Variants in BRDT observed in about 807,000 individuals in gnomAD.
BRDT encodes bromodomain testis associated, also known as bromodomain testis-specific protein.
Under a neutral mutation model 113.9 loss-of-function variants are expected in BRDT, and 77 were observed. The ratio of observed to expected loss-of-function variants is 0.68; its 90% confidence interval spans 0.56 to 0.82. BRDT has a LOEUF of 0.82. Ranked by LOEUF, BRDT falls within the 40% of genes least tolerant of loss-of-function variation. The pLI, the probability that BRDT is intolerant of heterozygous loss-of-function variation, is 0.00. For missense variants in BRDT, 1,027 were observed against 1,105.4 expected (o/e 0.93, Z 1.01); for synonymous variants, 358 against 366.5 (o/e 0.98, Z 0.26).
chr1:91,985,791 A>G (rs1030761088), intron 12 of BRDT, among the ~76,000 whole-genome samples: 3 of 151,818 alleles, frequency 2.0e-5, no homozygotes, highest in South Asian at 2.1e-4. Flanking sequence ...GGCGCCCGCC[A>G]CCACGCCCGG....
chr1:91,964,803 A>G (rs1682881324), intron 3 of BRDT, 39 bp downstream of exon 3: 2 of 1,317,598 alleles, frequency 1.5e-6, no homozygotes, highest in East Asian at 2.4e-5. Flanking sequence ...ATTCTTTGCC[A>G]TTACATATAG....
intron 12 of BRDT, among the ~76,000 whole-genome samples, chr1:91,984,170 C>T (rs953922182): frequency 1.3e-5 from 2 of 152,108 alleles, no homozygotes; most frequent in Admixed American, 6.5e-5. Context: ...AAAATTATAT[C>T]TTTGCTTAAT....
intron 15 of BRDT, among the ~76,000 whole-genome samples, chr1:91,998,726 C>G (rs983339639): frequency 1.1e-4 from 17 of 151,942 alleles, no homozygotes; most frequent in African/African-American, 3.6e-4. Context: ...TTGGCAGATA[C>G]ATATTTTACA....
rs750263048 is a variant in BRDT at position 91,981,373 on chromosome 1, A to C, written c.1856A>C (p.Gln619Pro). The C allele has an allele frequency of 5.0e-6, 8 of 1,612,426 alleles. No homozygotes were observed. The highest frequency in any genetic ancestry group is 5.9e-6 in the Non-Finnish European group (7 of 1,178,778). ...AATCAGTTAAATTCTAGAAAACGTC[A>C]AACAAAATGTAGGTGGCAGTTTTTG... ...VNNQLNSRKR[Q>P]TKSDKTQPSK... Residue 619 changes from glutamine to proline, a missense_variant, in exon 11 of 19, where the codon CAA becomes CCA. Coordinates refer to ENST00000399546, the MANE Select transcript of BRDT (RefSeq NM_207189.4).
At chr1:91,968,522 G>C (rs897241055) in intron 4 of BRDT, among the ~76,000 whole-genome samples, 1 of 152,162 alleles carries the variant, frequency 6.6e-6, no homozygotes, top group Non-Finnish European at 1.5e-5. Context: ...TAGGGATTCA[G>C]AAAATCATAG....
rs748354383 is a variant in BRDT, at chr1:92,002,061, A to C, written c.2300A>C (p.Gln767Pro). ...QILPPSGDSE[Q>P]LSNGITVMHP... ...TGTGTGCATCCAGGTGATTCTGAACAGCTCTCAAATGGCATAACTGTGATG... is the reference window on the plus strand; with the variant it reads ...TGTGTGCATCCAGGTGATTCTGAACCGCTCTCAAATGGCATAACTGTGATG... The change falls in exon 16 of 19, where the codon CAG becomes CCG. Residue 767 changes from glutamine to proline, a missense_variant. Transcript: ENST00000399546. 6.2e-7 allele frequency: 1 copy of C among 1,612,218 alleles called. No homozygotes were observed. The highest frequency in any genetic ancestry group is 8.5e-7 in the Non-Finnish European group (1 of 1,178,558).
At chr1:91,967,489 C>T (rs1683188618) in intron 3 of BRDT, among the ~76,000 whole-genome samples, 1 of 151,638 alleles carries the variant, frequency 6.6e-6, no homozygotes, top group African/African-American at 2.4e-5. Context: ...ACCTCTGCCT[C>T]CCGGGTTCAA....
chr1:91,989,631 G>T lies in BRDT; in HGVS notation c.2003-1553G>T, dbSNP rs200004295. ...CCACCTTGGCCTCCCAAAGTGCTGG[G>T]ATTACAGGCATGAGCCACCATGCCC... On this transcript the variant is annotated intron_variant, in intron 12 of 18. Coordinates refer to ENST00000399546, the MANE Select transcript of BRDT (RefSeq NM_207189.4). Among the ~76,000 whole-genome samples the T allele has an allele frequency of 1.4e-4, 21 of 152,286 alleles. No individual in the cohort carries two copies. The East Asian group carries it at 4.1e-3, about 29-fold the overall frequency.
rs763972950 is a variant in BRDT, at chr1:91,979,651, C to G, written c.1181C>G (p.Thr394Arg). 2.5e-6 allele frequency: 4 copies of G among 1,613,910 alleles called. No homozygotes were observed. In the African/African-American group the frequency reaches 5.3e-5, roughly 22 times the overall value. Residue 394 changes from threonine to arginine, a missense_variant, in exon 8 of 19, where the codon ACA (threonine) becomes AGA (arginine). Coordinates refer to ENST00000399546, the MANE Select transcript of BRDT (RefSeq NM_207189.4). ...MPLCYIKTDITETTGRENTNE... is the reference protein window; with the variant it reads ...MPLCYIKTDIRETTGRENTNE... ...TTATGTTACATCAAAACAGATATCA[C>G]AGAAACCACTGGTAGAGAGAACACT... is the stretch of plus-strand genomic sequence containing the variant.
intron 12 of BRDT, among the ~76,000 whole-genome samples, chr1:91,983,911 A>G (rs1328443539): frequency 6.6e-6 from 1 of 151,968 alleles, no homozygotes; most frequent in Non-Finnish European, 1.5e-5. Flanking sequence ...TGAACTCCTG[A>G]CCTCAAGTAA....
At chr1:91,973,496 A>C (rs962753846) in intron 4 of BRDT, among the ~76,000 whole-genome samples, 2 of 152,148 alleles carry the variant, frequency 1.3e-5, no homozygotes, top group African/African-American at 4.8e-5. Flanking sequence ...GAGGTCCTTC[A>C]CATCCCTTGT....
intron 1 of BRDT, chr1:91,950,043 A>G (rs368460650): frequency 7.0e-4 from 106 of 152,224 alleles, no homozygotes; most frequent in African/African-American, 2.2e-3. Flanking sequence ...TTCTTGCTTC[A>G]TTTATTTATT....
chr1:91,988,787 T>G (rs1187232603), intron 12 of BRDT, among the ~76,000 whole-genome samples: 1 of 152,220 alleles, frequency 6.6e-6, no homozygotes, highest in South Asian at 2.1e-4. Context: ...AGTGAAAATA[T>G]GTACATTTGT....
chr1:91,997,312 G>A (rs1166561267), intron 15 of BRDT, among the ~76,000 whole-genome samples: 1 of 152,154 alleles, frequency 6.6e-6, no homozygotes, highest in Non-Finnish European at 1.5e-5. Context: ...TGTAGTGAAT[G>A]TAAAGCATTC....
intron 15 of BRDT, among the ~76,000 whole-genome samples, chr1:91,995,871 C>T (rs1298739329): frequency 1.3e-5 from 2 of 152,030 alleles, no homozygotes. Context: ...CTCTTGACCT[C>T]AGATGATCCG....
At chr1:91,969,298 G>C (rs1295983947) in intron 4 of BRDT, among the ~76,000 whole-genome samples, 1 of 151,452 alleles carries the variant, frequency 6.6e-6, no homozygotes, top group Non-Finnish European at 1.5e-5. Context: ...TTAAGTGCCT[G>C]AGATATAGGA....
At chr1:91,976,665 G>T (rs1200219582) in intron 5 of BRDT, among the ~76,000 whole-genome samples, 2 of 152,032 alleles carry the variant, frequency 1.3e-5, no homozygotes, top group Admixed American at 1.3e-4. Flanking sequence ...TACTGTTTGG[G>T]TATCTTGATA....
Position 91,978,235 on chromosome 1 carries a change from T to G in BRDT, c.1037T>G (p.Met346Arg). ...KFAADVRLMF[M>R]NCYKYNPPDH... ...GCGGCAGATGTTAGATTAATGTTCATGAATTGCTACAAGTACAATCCTCCA... is the reference window on the plus strand; with the variant it reads ...GCGGCAGATGTTAGATTAATGTTCAGGAATTGCTACAAGTACAATCCTCCA... Residue 346 changes from methionine (M) to arginine (R), a missense_variant, in exon 7 of 19, where the codon ATG (methionine) becomes AGG (arginine). Physicochemically the swap from Met to Arg is moderately conservative, Grantham distance 91. Coordinates refer to ENST00000399546, the MANE Select transcript of BRDT (RefSeq NM_207189.4). 6.2e-7 allele frequency: 1 copy of G among 1,614,146 alleles called. No homozygotes were observed. The highest frequency in any genetic ancestry group is 8.5e-7 in the Non-Finnish European group (1 of 1,179,988).
At position 91,978,214 on chromosome 1, in the gene BRDT, C is replaced by T. The variant is rs767282426; in HGVS notation, c.1016C>T (p.Ala339Val). 6 of 1,613,818 alleles carry T rather than the reference C, an allele frequency of 3.7e-6. No individual in the cohort carries two copies. The South Asian group carries it at 5.5e-5, about 15-fold the overall frequency. The change falls in exon 7 of 19, where the codon GCA (alanine) becomes GTA (valine). Residue 339 changes from alanine (A) to valine (V), a missense_variant. Coordinates refer to ENST00000399546, the MANE Select transcript of BRDT (RefSeq NM_207189.4). ...TATAAGGATGCATACAAATTTGCGG[C>T]AGATGTTAGATTAATGTTCATGAAT... is the stretch of plus-strand genomic sequence containing the variant. ...QEYKDAYKFA[A>V]DVRLMFMNCY...
Sources: allele counts gnomAD v4.1 joint callset (sites outside exome capture counted in the v4.1 genomes callset), GRCh38; gene constraint gnomAD v4.1.1; transcripts MANE v1.5; gene names NCBI Gene and HGNC (gene_info 2026-07-23, HGNC 2026-07-21).